NBPF3: variants seen among roughly 807,000 people sequenced by gnomAD.
NBPF3 encodes the protein NBPF member 3.
In NBPF3, 57 loss-of-function variants were observed where a neutral mutation model predicts 78.1. The ratio of observed to expected loss-of-function variants is 0.73; its 90% CI spans 0.59 to 0.91. NBPF3 has a LOEUF of 0.91. NBPF3 is among the 40% of genes least tolerant of loss of function. NBPF3 has a pLI of 0.00. For synonymous variants in NBPF3, 182 were observed against 271.7 expected (o/e 0.67, Z 3.25); for missense variants, 510 against 715.3 (o/e 0.71, Z 3.27).
intron 2 of NBPF3, among the ~76,000 whole-genome samples, chr1:21,456,281 G>A (rs1641596894): frequency 1.3e-5 from 2 of 152,056 alleles, no homozygotes; most frequent in African/African-American, 4.8e-5. Context: ...ATACATCTAA[G>A]AACAGCTAAC....
chr1:21,472,755 G>T, intron 5 of NBPF3, 88 bp from the exon 6 acceptor site: 1 of 918,222 alleles, frequency 1.1e-6, no homozygotes, highest in South Asian at 1.3e-5. Flanking sequence ...ACCATGCCTA[G>T]ATGTTCATGT....
intron 1 of NBPF3, among the ~76,000 whole-genome samples, chr1:21,443,580 T>G (rs561213242): frequency 2.0e-4 from 30 of 152,338 alleles, no homozygotes; most frequent in Admixed American, 1.8e-3. Context: ...TAAACAATAG[T>G]ATTCTACATA....
chr1:21,468,715 A>T lies in NBPF3; in HGVS notation c.161A>T (p.Asn54Ile). The T allele has an allele frequency of 6.2e-7, 1 of 1,613,272 alleles. No individual in the cohort carries two copies. Among genetic ancestry groups the T allele is most frequent in the East Asian group, 2.2e-5 (1 of 44,882 alleles). Residue 54 changes from asparagine (N) to isoleucine (I), a missense_variant, in exon 3 of 15, where the codon AAC becomes ATC. By Grantham distance (149) the Asn-to-Ile change is moderately radical (BLOSUM62 -3). This residue lies in a region of NBPF3 where 440 missense variants were observed against 478.2 expected (regional missense o/e 0.92). Coordinates refer to ENST00000318249, the MANE Select transcript of NBPF3 (RefSeq NM_032264.6). Reference protein sequence around the residue: ...TVPGPTSSATNVSMVVSAGPW... With the variant: ...TVPGPTSSATIVSMVVSAGPW... ...CCTGGCCCCACCTCTTCTGCCACAAACGTCAGCATGGTGGTATCTGCCGGC... is the reference window on the plus strand; with the variant it reads ...CCTGGCCCCACCTCTTCTGCCACAATCGTCAGCATGGTGGTATCTGCCGGC...
chr1:21,455,033 C>T (rs1370512207), intron 2 of NBPF3, among the ~76,000 whole-genome samples: 1 of 152,138 alleles, frequency 6.6e-6, no homozygotes, highest in Non-Finnish European at 1.5e-5. Context: ...TCTCTGTTTT[C>T]TTGCTGGCTG....
At chr1:21,467,076 G>C (rs1642312681) in intron 2 of NBPF3, 1 of 984,234 alleles carries the variant, frequency 1.0e-6, no homozygotes, top group Non-Finnish European at 1.2e-6. Flanking sequence ...TTAAAATAAA[G>C]AAACATGACA....
upstream of NBPF3, chr1:21,436,953 T>A: frequency 2.7e-6 from 1 of 363,828 alleles, no homozygotes; most frequent in Non-Finnish European, 4.9e-6. This position sits in a 1 kb window ranked among gnomAD's most constrained non-coding sequence, Gnocchi z 4.3. Flanking sequence ...CCCTGAGAAA[T>A]AGTGTCTGAG....
intron 2 of NBPF3, among the ~76,000 whole-genome samples, chr1:21,461,772 C>G (rs1264434053): frequency 6.6e-6 from 1 of 152,192 alleles, no homozygotes; most frequent in Non-Finnish European, 1.5e-5. Flanking sequence ...CAAAATGATT[C>G]CATGTTTATG....
At chr1:21,446,606 T>G (rs1486246414) in intron 2 of NBPF3, 2 of 142,576 alleles carry the variant, frequency 1.4e-5, no homozygotes, top group East Asian at 4.7e-4. Flanking sequence ...CTTTCTTCCT[T>G]TCTTCTTTTC....
At chr1:21,456,656 A>G (rs575485210) in intron 2 of NBPF3, among the ~76,000 whole-genome samples, 5 of 152,300 alleles carry the variant, frequency 3.3e-5, no homozygotes, top group African/African-American at 1.2e-4. Context: ...AAAATTTTTC[A>G]TGATTTATAA....
intron 7 of NBPF3, among the ~76,000 whole-genome samples, chr1:21,473,853 G>A (rs746004987): frequency 2.6e-5 from 4 of 152,274 alleles, no homozygotes; most frequent in East Asian, 1.9e-4. Context: ...GTGAGGCCTC[G>A]TACCTTTGAT....
At chr1:21,480,004 G>A (rs755459278) in intron 10 of NBPF3, 47 bp from the exon 11 acceptor site, 1 of 946,790 alleles carries the variant, frequency 1.1e-6, no homozygotes, top group South Asian at 1.3e-5. Context: ...GGGCTGTGTG[G>A]TTTCTGATTC....
chr1:21,478,070 T>A (rs915196544), intron 8 of NBPF3, 74 bp from the exon 9 acceptor site: 2 of 1,611,686 alleles, frequency 1.2e-6, no homozygotes, highest in African/African-American at 2.7e-5. Flanking sequence ...TCCCATCAGA[T>A]CATCTGGAAG....
At chr1:21,437,498 C>T, upstream of NBPF3, 1 of 1,459,360 alleles carries the variant, frequency 6.9e-7, no homozygotes, top group South Asian at 1.2e-5. Flanking sequence ...GCGCGAGGTG[C>T]AGCGGCTGCG....
chr1:21,437,819 T>C (rs1640454968), upstream of NBPF3, among the ~76,000 whole-genome samples: 1 of 52,892 alleles, frequency 1.9e-5, no homozygotes, highest in African/African-American at 4.4e-5. Context: ...CTTGCCTGGC[T>C]AATTTTTTTT....
intron 2 of NBPF3, chr1:21,451,691 T>G: frequency 5.7e-6 from 1 of 174,436 alleles, no homozygotes; most frequent in Non-Finnish European, 1.2e-5. Context: ...GGTCCTGGGG[T>G]CATGGTGAGA....
chr1:21,464,224 C>T (rs1201167170), intron 2 of NBPF3, among the ~76,000 whole-genome samples: 3 of 152,132 alleles, frequency 2.0e-5, no homozygotes, highest in Non-Finnish European at 2.9e-5. Context: ...CATCTTTAAC[C>T]ACCATCAGTT....
At chr1:21,462,697 A>C (rs1642019359) in intron 2 of NBPF3, among the ~76,000 whole-genome samples, 1 of 152,252 alleles carries the variant, frequency 6.6e-6, no homozygotes, top group Non-Finnish European at 1.5e-5. Context: ...GACTAATTCC[A>C]GCAAAAATAT....
chr1:21,466,767 G>T lies in NBPF3; in HGVS notation c.134-1921G>T, dbSNP rs577896050. Among the ~76,000 whole-genome samples, 1,038 of 152,212 alleles carry T rather than the reference G, an allele frequency of 6.8e-3. 8 individuals carry two copies. The highest frequency in any genetic ancestry group is 0.01 in the Middle Eastern group (3 of 294). ...AAAAAGGAAATATGTCCAAATACAT[G>T]ATTTGCTATCCCTCCTCTTCAAGTT... On this transcript the variant is annotated intron_variant, in intron 2 of 14. Transcript: ENST00000318249.
chr1:21,471,048 A>G (rs1642561422), intron 4 of NBPF3, among the ~76,000 whole-genome samples: 1 of 139,858 alleles, frequency 7.2e-6, no homozygotes, highest in South Asian at 2.3e-4. Context: ...GTGATGTGCC[A>G]TCACCACCCC....
Sources: allele counts gnomAD v4.1 joint callset (sites outside exome capture counted in the v4.1 genomes callset), GRCh38; gene constraint gnomAD v4.1.1; regional missense constraint gnomAD v4.1.1; non-coding constraint Gnocchi (gnomAD v3.1); transcripts MANE v1.5; gene names NCBI Gene and HGNC (gene_info 2026-07-23, HGNC 2026-07-21).